MGA: variants seen among roughly 807,000 people sequenced by gnomAD.
MGA encodes the protein MAX dimerization protein MGA, also known as MAX gene-associated protein.
In MGA, 40 loss-of-function variants were observed where a neutral mutation model predicts 261.1. That is an observed-to-expected ratio of 0.15 (90% CI 0.12 to 0.20). The LOEUF (loss-of-function observed/expected upper bound fraction) is 0.20. Among genes scored for constraint, MGA ranks in the 10% least tolerant of loss-of-function variants. The pLI is 1.00. For synonymous variants in MGA, 1,302 were observed against 1,290.6 expected (o/e 1.01, Z -0.19); for missense variants, 3,397 against 3,630.5 (o/e 0.94, Z 1.65).
intron 9 of MGA, among the ~76,000 whole-genome samples, chr15:41,716,378 C>A (rs949506148): frequency 2.6e-5 from 4 of 151,824 alleles, no homozygotes; most frequent in Admixed American, 2.0e-4. Flanking sequence ...GGTGTGAACC[C>A]GGGAGGCAGA....
chr15:41,759,460 G>C (rs1234955085), intron 19 of MGA, among the ~76,000 whole-genome samples: 1 of 133,018 alleles, frequency 7.5e-6, no homozygotes, highest in Non-Finnish European at 1.6e-5. Flanking sequence ...GTGTGTGTGT[G>C]TGTATTTTTT....
At chr15:41,716,134 G>A (rs912299697) in intron 9 of MGA, among the ~76,000 whole-genome samples, 14 of 151,896 alleles carry the variant, frequency 9.2e-5, no homozygotes, top group African/African-American at 3.4e-4. Flanking sequence ...CAGTTTTCTT[G>A]TGCTGTTAGG....
chr15:41,675,171 G>A (rs1177849894), intron 2 of MGA, among the ~76,000 whole-genome samples: 2 of 152,208 alleles, frequency 1.3e-5, no homozygotes. Context: ...GAGGAGAATT[G>A]CTGGGTCATA....
intron 12 of MGA, 63 bp from the exon 13 acceptor site, chr15:41,736,118 C>T: frequency 1.5e-6 from 2 of 1,327,774 alleles, no homozygotes; most frequent in Non-Finnish European, 2.0e-6. Context: ...GAGTTTCATA[C>T]AAAATGCTGT....
At chr15:41,695,091 A>G (rs1303131988) in intron 2 of MGA, among the ~76,000 whole-genome samples, 1 of 151,896 alleles carries the variant, frequency 6.6e-6, no homozygotes, top group Non-Finnish European at 1.5e-5. Context: ...TAACGTGTTG[A>G]CTTGTATGGA....
upstream of MGA, among the ~76,000 whole-genome samples, chr15:41,659,366 A>G (rs1252056353): frequency 6.6e-6 from 1 of 152,098 alleles, no homozygotes; most frequent in Non-Finnish European, 1.5e-5. Flanking sequence ...AGTGTTTTGT[A>G]TTGTCACATA....
intron 1 of MGA, among the ~76,000 whole-genome samples, chr15:41,627,307 A>C (rs1363151898): frequency 6.6e-6 from 1 of 152,194 alleles, no homozygotes; most frequent in Non-Finnish European, 1.5e-5. Flanking sequence ...TCACTATTCC[A>C]TCCAAGATAA....
At chr15:41,690,747 T>A (rs1006877613) in intron 2 of MGA, among the ~76,000 whole-genome samples, 5 of 151,968 alleles carry the variant, frequency 3.3e-5, no homozygotes. Context: ...GGTGTGGTGG[T>A]ATGTGTCTGT....
chr15:41,651,959 CT>C lies in MGA; in HGVS notation c.-67-16846del, dbSNP rs34626334. 2.0e-3 allele frequency among the ~76,000 whole-genome samples: 53 copies of C among 26,172 alleles called. 1 individual carries two copies. The highest frequency in any genetic ancestry group is 4.5e-3 in the African/African-American group (32 of 7,184). The allele number at this position is 26,172 out of a possible 152,430, so 17.2% of individuals were successfully genotyped here. On this transcript the variant is annotated intron_variant, in intron 1 of 8. Coordinates refer to the MGA transcript ENST00000566718. ...CCCCCGTCTCTCCTCTTCCCCCCAC[CT>C]TTTTTTTTTTTTTTTTTTTTTTGAG...
chr15:41,743,762 A>G (rs1476350112), intron 15 of MGA, among the ~76,000 whole-genome samples: 2 of 152,220 alleles, frequency 1.3e-5, no homozygotes, highest in African/African-American at 2.4e-5. Context: ...ATCAGCACCT[A>G]TTTAATTGCT....
Position 41,766,672 on chromosome 15 carries a change from A to C in MGA, c.8590A>C (p.Ile2864Leu). The change falls in exon 24 of 24, where the codon ATT becomes CTT. Residue 2864 changes from isoleucine to leucine, a missense_variant. By Grantham distance (5) the Ile-to-Leu change is conservative (BLOSUM62 2). Transcript: ENST00000219905. ...CCCAGGGGATGCTCGGCGGGCTTTT[A>C]TTAGTAAGGTTCCTCCTGGAAGCAG... The C allele has an allele frequency of 1.2e-6, 2 of 1,613,964 alleles. No individual in the cohort carries two copies. Among genetic ancestry groups the C allele is most frequent in the Non-Finnish European group, 1.7e-6 (2 of 1,179,886 alleles).
chr15:41,709,592 G>A (rs2060284637), intron 7 of MGA, among the ~76,000 whole-genome samples: 1 of 151,702 alleles, frequency 6.6e-6, no homozygotes, highest in African/African-American at 2.4e-5. Context: ...CCACAGGTGT[G>A]CGCCACCATG....
intron 1 of MGA, among the ~76,000 whole-genome samples, chr15:41,626,237 T>C (rs2056447440): frequency 6.6e-6 from 1 of 151,910 alleles, no homozygotes; most frequent in East Asian, 1.9e-4. Flanking sequence ...GTGACATTTT[T>C]AAGCAGTAGG....
chr15:41,651,654 C>T (rs1246840696), intron 1 of MGA, among the ~76,000 whole-genome samples: 1 of 105,772 alleles, frequency 9.5e-6, no homozygotes, highest in African/African-American at 3.4e-5. Flanking sequence ...CTCTCCTCTC[C>T]CTTCCCCCTT....
intron 1 of MGA, among the ~76,000 whole-genome samples, chr15:41,634,309 A>G (rs181954837): frequency 4.0e-4 from 61 of 152,330 alleles, no homozygotes; most frequent in Non-Finnish European, 6.9e-4. Flanking sequence ...GAGTGAATGA[A>G]TAAACTGCCA....
intron 22 of MGA, among the ~76,000 whole-genome samples, chr15:41,764,324 G>T (rs2063678872): frequency 6.7e-6 from 1 of 148,488 alleles, no homozygotes; most frequent in Non-Finnish European, 1.5e-5. Context: ...CGCAATCTAG[G>T]CTCACTGCCA....
At position 41,669,127 on chromosome 15, in the gene MGA, C is replaced by T. The variant is rs1595634091; in HGVS notation, c.233C>T (p.Thr78Ile). 1 of 1,612,632 alleles carries T rather than the reference C, an allele frequency of 6.2e-7. No homozygotes were observed. The highest frequency in any genetic ancestry group is 1.3e-5 in the African/African-American group (1 of 74,882). ...TGTACTGTGGGTGGAATCACTGTTA[C>T]CCTCGATAACAATAGTATGTGGAAT... The change falls in exon 2 of 24, where the codon ACC (threonine) becomes ATC (isoleucine). Residue 78 changes from threonine to isoleucine, a missense_variant. Physicochemically the swap from Thr to Ile is moderately conservative, Grantham distance 89. Coordinates refer to ENST00000219905, the MANE Select transcript of MGA (RefSeq NM_001164273.2).
chr15:41,673,390 G>A (rs1363885396), intron 2 of MGA, among the ~76,000 whole-genome samples: 3 of 151,616 alleles, frequency 2.0e-5, no homozygotes, highest in Non-Finnish European at 4.4e-5. Flanking sequence ...GCTAATTTTT[G>A]TATTTTTAGT....
upstream of MGA, among the ~76,000 whole-genome samples, chr15:41,657,712 A>G (rs1020834933): frequency 6.6e-6 from 1 of 151,998 alleles, no homozygotes; most frequent in African/African-American, 2.4e-5. Context: ...ATCTTTTGCA[A>G]CTCAGTCTGT....
Sources: gnomAD v4.1 joint callset for allele counts (sites outside exome capture counted in the v4.1 genomes callset) on GRCh38, gnomAD v4.1.1 for gene constraint, MANE v1.5 for transcripts, NCBI Gene and HGNC (gene_info 2026-07-23, HGNC 2026-07-21) for gene names.